Variants in LNX1 observed in about 807,000 individuals in gnomAD.
The protein encoded by LNX1 is E3 ubiquitin-protein ligase LNX.
Under a neutral mutation model 68.4 loss-of-function variants are expected in LNX1, and 54 were observed. The ratio of observed to expected loss-of-function variants is 0.79; its 90% CI spans 0.63 to 0.99. The LOEUF is 0.99. Among genes scored for constraint, LNX1 ranks in the 50% least tolerant of loss-of-function variants. LNX1 has a pLI of 0.00. For missense variants in LNX1, 906 were observed against 926.4 expected, an observed-to-expected ratio of 0.98 and a Z score of 0.29; for synonymous variants, 336 against 350.0, an observed-to-expected ratio of 0.96 and a Z score of 0.45.
chr4:53,471,893 T>C lies in LNX1; in HGVS notation c.1892+4860A>G, dbSNP rs1402665197. ...AACACTTTTACACTGTTGGTGGGACTGTAAACTAGTTCAACCATTGTGGAA... is the reference window on the plus strand; with the variant it reads ...AACACTTTTACACTGTTGGTGGGACCGTAAACTAGTTCAACCATTGTGGAA... On this transcript the variant is annotated intron_variant, in intron 9 of 10. Coordinates refer to ENST00000263925, the MANE Select transcript of LNX1 (RefSeq NM_001126328.3). 2.0e-5 allele frequency among the ~76,000 whole-genome samples: 3 copies of C among 152,346 alleles called. No homozygotes were observed. The East Asian group carries it at 5.8e-4, about 29-fold the overall frequency.
chr4:53,618,118 A>C (rs1466679094), upstream of LNX1, among the ~76,000 whole-genome samples: 1 of 152,222 alleles, frequency 6.6e-6, no homozygotes, highest in Non-Finnish European at 1.5e-5. Context: ...ACAGTCTTAC[A>C]CCATTTAAAC....
chr4:53,629,745 T>C (rs1734200652), intron 1 of LNX1, among the ~76,000 whole-genome samples: 1 of 152,178 alleles, frequency 6.6e-6, no homozygotes, highest in Non-Finnish European at 1.5e-5. Flanking sequence ...GGACTGCAGC[T>C]CTTCCCAGCT....
At chr4:53,495,548 C>CTTTTTTTTTTTTTTTTT (rs199684639) in intron 6 of LNX1, among the ~76,000 whole-genome samples, 3 of 119,418 alleles carry the variant, frequency 2.5e-5, no homozygotes, top group Admixed American at 8.3e-5. Context: ...CATGGCATAG[C>CTTTTTTTTTTTTTTTTT]TTTTTTTTTT....
chr4:53,521,058 A>C (rs754285136), intron 2 of LNX1, among the ~76,000 whole-genome samples: 1 of 152,198 alleles, frequency 6.6e-6, no homozygotes, highest in Non-Finnish European at 1.5e-5. Context: ...TGGGCTATGG[A>C]TCAACGGTGC....
intron 9 of LNX1, among the ~76,000 whole-genome samples, chr4:53,465,029 T>G (rs1427379628): frequency 1.3e-5 from 2 of 152,166 alleles, no homozygotes; most frequent in Non-Finnish European, 2.9e-5. Flanking sequence ...TTGATAATTG[T>G]TATCAAGTTA....
Position 53,522,204 on chromosome 4 carries a change from C to T in LNX1, c.381-13977G>A, listed in dbSNP as rs138076504. On this transcript the variant is annotated intron_variant, in intron 2 of 10. Coordinates refer to ENST00000263925, the MANE Select transcript of LNX1 (RefSeq NM_001126328.3). ...CTTCACATCAAACCCATCTCTACCA[C>T]AGGTCTTTGTCCAATCTGGCTTCCC... Among the ~76,000 whole-genome samples, 5 of 152,296 alleles carry T rather than the reference C, an allele frequency of 3.3e-5. No homozygotes were observed. The East Asian group carries it at 9.6e-4, about 29-fold the overall frequency.
At position 53,508,040 on chromosome 4, in the gene LNX1, C is replaced by G; in HGVS notation, c.568G>C (p.Asp190His). 6.2e-7 allele frequency: 1 copy of G among 1,614,124 alleles called. No individual in the cohort carries two copies. The highest frequency in any genetic ancestry group is 1.7e-5 in the Admixed American group (1 of 60,018). ...ACTGGGCTGATTGCTGGCTGCCCGT[C>G]CTCTGCCGAGGACACGTAGGCAGGG... Reference protein sequence around the residue: ...DNPAYVSSAEDGQPAISPVDS... With the variant: ...DNPAYVSSAEHGQPAISPVDS... The change falls in exon 3 of 11, where the codon GAC (aspartate) becomes CAC (histidine). Residue 190 changes from aspartate to histidine, a missense_variant. Asp to His is a moderately conservative substitution (Grantham distance 81). Coordinates refer to ENST00000263925, the MANE Select transcript of LNX1 (RefSeq NM_001126328.3).
intron 2 of LNX1, among the ~76,000 whole-genome samples, chr4:53,535,561 A>C (rs1728314495): frequency 6.6e-6 from 1 of 152,122 alleles, no homozygotes; most frequent in Admixed American, 6.5e-5. Context: ...TTGTTAGTGA[A>C]TACTTTAAAA....
At chr4:53,557,544 A>G (rs1288673117) in intron 2 of LNX1, among the ~76,000 whole-genome samples, 1 of 151,924 alleles carries the variant, frequency 6.6e-6, no homozygotes, top group East Asian at 1.9e-4. Flanking sequence ...TACAAATTCT[A>G]TTCTTAACTG....
At chr4:53,542,640 A>T (rs1034502098) in intron 2 of LNX1, among the ~76,000 whole-genome samples, 2 of 152,218 alleles carry the variant, frequency 1.3e-5, no homozygotes, top group African/African-American at 4.8e-5. Context: ...GTACATCTGC[A>T]ATTAGAGAAA....
chr4:53,586,582 C>T (rs1023955179), intron 1 of LNX1, among the ~76,000 whole-genome samples: 1 of 151,990 alleles, frequency 6.6e-6, no homozygotes, highest in Admixed American at 6.6e-5. Flanking sequence ...CAAAAATGTC[C>T]CCGGTTAATT....
chr4:53,570,969 G>A (rs1213043589), intron 2 of LNX1, among the ~76,000 whole-genome samples: 1 of 151,734 alleles, frequency 6.6e-6, no homozygotes, highest in African/African-American at 2.4e-5. Context: ...CGAGCTTGTG[G>A]TGAGCAGAGA....
At chr4:53,588,935 C>T (rs1732337909) in intron 1 of LNX1, among the ~76,000 whole-genome samples, 1 of 152,152 alleles carries the variant, frequency 6.6e-6, no homozygotes, top group Non-Finnish European at 1.5e-5. Flanking sequence ...ATGACAAGGC[C>T]AATCACATCC....
rs1271773606 is a variant in LNX1, at chr4:53,549,832, AC to A, written c.380+23790del. Among the ~76,000 whole-genome samples the A allele has an allele frequency of 2.6e-5, 4 of 152,346 alleles. No individual in the cohort carries two copies. The South Asian group carries it at 8.3e-4, about 32-fold the overall frequency. On this transcript the variant is annotated intron_variant, in intron 2 of 10. Transcript: ENST00000263925. The stretch of plus-strand genomic sequence containing the variant: ...TAAAATGAAGAAAATAAGTCAACCA[AC>A]ATGAAGCGGTCAGTGAGATTCTTAC...
At chr4:53,464,995 T>G (rs556318049) in intron 9 of LNX1, among the ~76,000 whole-genome samples, 5 of 152,258 alleles carry the variant, frequency 3.3e-5, no homozygotes, top group African/African-American at 1.2e-4. Context: ...TTTGCAGCTG[T>G]GCAATATCAA....
chr4:53,566,238 C>G (rs1448680839), intron 2 of LNX1, among the ~76,000 whole-genome samples: 66 of 141,868 alleles, frequency 4.7e-4, no homozygotes, highest in South Asian at 1.4e-3. Context: ...ATGTTAAGGG[C>G]AGCCAGAGAG....
At chr4:53,521,064 G>A (rs765236942) in intron 2 of LNX1, among the ~76,000 whole-genome samples, 5 of 152,136 alleles carry the variant, frequency 3.3e-5, no homozygotes, top group South Asian at 2.1e-4. Context: ...ATGGATCAAC[G>A]GTGCTTTCTA....
chr4:53,615,492 G>A (rs1213709811), intron 2 of LNX1, among the ~76,000 whole-genome samples: 2 of 152,158 alleles, frequency 1.3e-5, no homozygotes, highest in East Asian at 3.8e-4. Context: ...GAGGCTTAAG[G>A]AAGAAGACTG....
intron 6 of LNX1, among the ~76,000 whole-genome samples, chr4:53,495,273 G>A (rs770151628): frequency 9.2e-5 from 14 of 151,840 alleles, no homozygotes; most frequent in Non-Finnish European, 1.9e-4. Flanking sequence ...AAATAAAAAA[G>A]CTAAAGAAAA....
Sources: allele counts gnomAD v4.1 joint callset (sites outside exome capture counted in the v4.1 genomes callset), GRCh38; gene constraint gnomAD v4.1.1; transcripts MANE v1.5; gene names NCBI Gene and HGNC (gene_info 2026-07-23, HGNC 2026-07-21).